Variants in AKR1D1 observed in about 807,000 individuals in gnomAD.
AKR1D1 encodes aldo-keto reductase family 1 member D1, also known as delta(4)-3-ketosteroid 5-beta-reductase.
In AKR1D1, 32 loss-of-function variants were observed where a neutral mutation model predicts 42.6. The observed-to-expected ratio is 0.75, with a 90% CI of 0.57 to 1.01. The LOEUF (loss-of-function observed/expected upper bound fraction) is 1.01. Among genes scored for constraint, AKR1D1 ranks in the 50% least tolerant of loss-of-function variants. The pLI, the probability that AKR1D1 is intolerant of heterozygous loss-of-function variation, is 0.00. For synonymous variants in AKR1D1, 123 were observed against 135.5 expected, an observed-to-expected ratio of 0.91 and a Z score of 0.64; for missense variants, 364 against 402.2, an observed-to-expected ratio of 0.91 and a Z score of 0.81.
rs778082811 is a variant in AKR1D1, at chr7:138,105,440, A to AT, written c.579+12dup. 6.2e-6 allele frequency: 10 copies of AT among 1,613,668 alleles called. No homozygotes were observed. The highest frequency in any genetic ancestry group is 7.6e-6 in the Non-Finnish European group (9 of 1,180,002). ...CCAGTCAGCAACCAGGTACAGCCTA[A>AT]TAGCTTCCACTAGGGTGTGGGGAGT... On this transcript the variant is annotated intron_variant, in intron 5 of 8. Coordinates refer to ENST00000242375, the MANE Select transcript of AKR1D1 (RefSeq NM_005989.4).
intron 3 of AKR1D1, 81 bp downstream of exon 3, chr7:138,091,965 A>T (rs1794092649): frequency 1.3e-6 from 1 of 780,006 alleles, no homozygotes; most frequent in Admixed American, 1.7e-5. Flanking sequence ...GCTCTGCACC[A>T]TGAGCCAATA....
chr7:138,111,874 C>T (rs1167908592), intron 7 of AKR1D1, among the ~76,000 whole-genome samples: 2 of 152,078 alleles, frequency 1.3e-5, no homozygotes, highest in Non-Finnish European at 2.9e-5. Context: ...TTACATACCA[C>T]AACATGACAT....
intron 7 of AKR1D1, 95 bp downstream of exon 7, chr7:138,107,675 C>T (rs1322935945): frequency 7.8e-7 from 1 of 1,287,746 alleles, no homozygotes; most frequent in South Asian, 1.2e-5. Context: ...ACCTGTAACA[C>T]TCTCATATTT....
chr7:138,108,615 A>G (rs1016043573), intron 7 of AKR1D1, among the ~76,000 whole-genome samples: 1 of 152,188 alleles, frequency 6.6e-6, no homozygotes, highest in Non-Finnish European at 1.5e-5. Context: ...ACATAAAAGT[A>G]AGGAGTAGAA....
intron 7 of AKR1D1, among the ~76,000 whole-genome samples, chr7:138,110,734 C>T (rs1387683567): frequency 6.6e-6 from 1 of 151,938 alleles, no homozygotes; most frequent in Non-Finnish European, 1.5e-5. Flanking sequence ...GCCTGGATGA[C>T]AAGAGTGAAA....
chr7:138,076,694 C>A, intron 1 of AKR1D1, 83 bp downstream of exon 1: 1 of 1,177,544 alleles, frequency 8.5e-7, no homozygotes, highest in Non-Finnish European at 1.3e-6. Flanking sequence ...TTATTTTAAG[C>A]AGATCTCATT....
intron 2 of AKR1D1, among the ~76,000 whole-genome samples, chr7:138,089,568 G>A (rs1250171419): frequency 1.3e-5 from 2 of 152,020 alleles, no homozygotes; most frequent in Non-Finnish European, 2.9e-5. Flanking sequence ...CTATGATAGA[G>A]GCTAAAGTTA....
intron 1 of AKR1D1, among the ~76,000 whole-genome samples, chr7:138,082,649 A>C (rs929399749): frequency 6.6e-6 from 1 of 152,176 alleles, no homozygotes; most frequent in Non-Finnish European, 1.5e-5. Flanking sequence ...TCAGCCTTCC[A>C]AAGTGCTGAG....
At chr7:138,091,677 A>AAAG (rs568836645) in intron 2 of AKR1D1, 91 bp from the exon 3 acceptor site, 1 of 1,039,022 alleles carries the variant, frequency 9.6e-7, no homozygotes. Flanking sequence ...AAAAAAAAAA[A>AAAG]TGTGTACGAG....
chr7:138,117,015 T>C lies in AKR1D1; in HGVS notation c.*353T>C, dbSNP rs1449718141. 8.3e-6 allele frequency: 2 copies of C among 241,618 alleles called. No individual in the cohort carries two copies. The highest frequency in any genetic ancestry group is 4.5e-5 in the African/African-American group (2 of 44,568). 15.0% of individuals were successfully genotyped at this position (241,618 alleles called of 1,614,324 possible). On this transcript the variant is annotated 3_prime_UTR_variant, in exon 9 of 9. Transcript: ENST00000242375. ...TAGTAGCGTTGGTAATCTGAGTTCT[T>C]TAAGGGTTAACAGGACAACGAAGTG...
At chr7:138,087,222 T>C (rs1204478813) in intron 1 of AKR1D1, among the ~76,000 whole-genome samples, 1 of 152,162 alleles carries the variant, frequency 6.6e-6, no homozygotes, top group East Asian at 1.9e-4. Context: ...ACACTATTAC[T>C]CACATGACAG....
intron 7 of AKR1D1, among the ~76,000 whole-genome samples, chr7:138,109,784 T>C (rs1022401789): frequency 2.0e-5 from 3 of 152,222 alleles, no homozygotes; most frequent in African/African-American, 7.2e-5. Context: ...TCATTGAAGA[T>C]TAAAACACAT....
chr7:138,105,177 T>G, intron 4 of AKR1D1, 130 bp from the exon 5 acceptor site: 1 of 1,337,112 alleles, frequency 7.5e-7, no homozygotes. Context: ...TTCTTTTACT[T>G]TTTTTCGCAA....
At chr7:138,104,265 A>G (rs1401400916) in intron 4 of AKR1D1, among the ~76,000 whole-genome samples, 1 of 152,206 alleles carries the variant, frequency 6.6e-6, no homozygotes, top group Non-Finnish European at 1.5e-5. Context: ...TGAGAAGCCA[A>G]GAAGAGCTAG....
chr7:138,103,667 G>A (rs1251357145), intron 4 of AKR1D1, among the ~76,000 whole-genome samples: 1 of 151,802 alleles, frequency 6.6e-6, no homozygotes, highest in Non-Finnish European at 1.5e-5. Flanking sequence ...ACCGGAAAAA[G>A]TTGGTATTAC....
At chr7:138,095,039 G>C (rs1245189710) in intron 3 of AKR1D1, among the ~76,000 whole-genome samples, 2 of 152,124 alleles carry the variant, frequency 1.3e-5, no homozygotes, top group Non-Finnish European at 2.9e-5. Flanking sequence ...CTGACTGTGA[G>C]GAAGAGGAAT....
chr7:138,082,915 A>C (rs1165773868), intron 1 of AKR1D1, among the ~76,000 whole-genome samples: 1 of 152,186 alleles, frequency 6.6e-6, no homozygotes, highest in African/African-American at 2.4e-5. Flanking sequence ...GTCAGTGAAC[A>C]TTTAGGTTGT....
intron 4 of AKR1D1, among the ~76,000 whole-genome samples, chr7:138,100,088 C>A (rs1401657087): frequency 1.4e-4 from 6 of 43,566 alleles, no homozygotes; most frequent in Admixed American, 4.5e-4. Flanking sequence ...GATTTCATCT[C>A]AAAAAAAAAA....
chr7:138,116,538 A>G (rs1794636380), intron 8 of AKR1D1, 82 bp from the exon 9 acceptor site: 1 of 1,474,992 alleles, frequency 6.8e-7, no homozygotes, highest in South Asian at 1.1e-5. Flanking sequence ...GTGGTCAGTG[A>G]AATTCTCAAA....
Sources: allele counts gnomAD v4.1 joint callset (sites outside exome capture counted in the v4.1 genomes callset), GRCh38; gene constraint gnomAD v4.1.1; transcripts MANE v1.5; gene names NCBI Gene and HGNC (gene_info 2026-07-23, HGNC 2026-07-21).